Variants in NR6A1 observed in about 807,000 individuals in gnomAD.
The protein encoded by NR6A1 is nuclear receptor subfamily 6 group A member 1, also known as retinoic acid receptor-related testis-associated receptor.
A neutral mutation model predicts 59.1 loss-of-function variants in NR6A1; 7 were observed. The ratio of observed to expected loss-of-function variants is 0.12; its 90% CI spans 0.07 to 0.22. The LOEUF (loss-of-function observed/expected upper bound fraction) is 0.22, where lower values mean the gene tolerates loss of function less well. NR6A1 is among the 10% of genes least tolerant of loss of function. The pLI is 1.00. For synonymous variants in NR6A1, 243 were observed against 236.1 expected (o/e 1.03, Z -0.27); for missense variants, 468 against 611.6 (o/e 0.77, Z 2.48).
intron 2 of NR6A1, among the ~76,000 whole-genome samples, chr9:124,568,067 T>C (rs1267979794): frequency 2.1e-5 from 3 of 141,624 alleles, no homozygotes. Context: ...CCAGCTACTC[T>C]GGAGGCTGAG....
At chr9:124,627,979 T>C (rs1490833690) in intron 2 of NR6A1, among the ~76,000 whole-genome samples, 2 of 144,266 alleles carry the variant, frequency 1.4e-5, no homozygotes, top group African/African-American at 5.1e-5. Flanking sequence ...AAATACGGTG[T>C]GTGTAGAGAG....
At chr9:124,684,960 A>G (rs1838283819) in intron 2 of NR6A1, among the ~76,000 whole-genome samples, 1 of 152,156 alleles carries the variant, frequency 6.6e-6, no homozygotes, top group African/African-American at 2.4e-5. Flanking sequence ...TATATCATCT[A>G]TCTTGCAGAT....
At chr9:124,625,052 G>A (rs1162352649) in intron 2 of NR6A1, among the ~76,000 whole-genome samples, 1 of 151,608 alleles carries the variant, frequency 6.6e-6, no homozygotes, top group Non-Finnish European at 1.5e-5. Context: ...GTAGTTATAA[G>A]AAAAGCCACA....
chr9:124,566,547 T>G (rs1317023290), intron 2 of NR6A1, among the ~76,000 whole-genome samples: 1 of 152,060 alleles, frequency 6.6e-6, no homozygotes, highest in Non-Finnish European at 1.5e-5. Flanking sequence ...GGAGGAATGG[T>G]GGGAGATACA....
At chr9:124,549,683 A>G (rs1042628774) in intron 3 of NR6A1, among the ~76,000 whole-genome samples, 1 of 152,200 alleles carries the variant, frequency 6.6e-6, no homozygotes, top group African/African-American at 2.4e-5. Flanking sequence ...CATTTTTTTA[A>G]TAGTTAATTT....
intron 2 of NR6A1, among the ~76,000 whole-genome samples, chr9:124,710,546 C>A (rs1041502265): frequency 6.6e-6 from 1 of 152,214 alleles, no homozygotes; most frequent in East Asian, 1.9e-4. Flanking sequence ...TCCTTCCCAA[C>A]CTCTTAGCCC....
At chr9:124,553,945 A>G (rs1051991169) in intron 3 of NR6A1, among the ~76,000 whole-genome samples, 5 of 152,144 alleles carry the variant, frequency 3.3e-5, no homozygotes, top group African/African-American at 9.7e-5. Context: ...GCCTCTGAGT[A>G]CACCGTGGTT....
intron 2 of NR6A1, among the ~76,000 whole-genome samples, chr9:124,703,868 C>T (rs186834227): frequency 5.9e-5 from 9 of 151,748 alleles, no homozygotes; most frequent in Non-Finnish European, 1.0e-4. Context: ...CTATGTTGCT[C>T]AGGCTAGCCT....
intron 2 of NR6A1, among the ~76,000 whole-genome samples, chr9:124,694,893 A>G (rs914726645): frequency 3.3e-5 from 5 of 152,228 alleles, no homozygotes; most frequent in Admixed American, 2.6e-4. Flanking sequence ...AAATCTAAAG[A>G]AAACTATGAG....
intron 2 of NR6A1, among the ~76,000 whole-genome samples, chr9:124,622,935 T>C (rs114744007): frequency 4.8e-4 from 73 of 151,988 alleles, no homozygotes; most frequent in African/African-American, 1.7e-3. Context: ...AAACCAATGG[T>C]TGTTGGGGTC....
intron 2 of NR6A1, among the ~76,000 whole-genome samples, chr9:124,596,207 T>C (rs1347260240): frequency 6.6e-6 from 1 of 152,142 alleles, no homozygotes; most frequent in Non-Finnish European, 1.5e-5. Flanking sequence ...TATTCTATGC[T>C]ATAGTCTTCC....
chr9:124,611,708 C>T (rs1449744452), intron 2 of NR6A1, among the ~76,000 whole-genome samples: 3 of 147,248 alleles, frequency 2.0e-5, no homozygotes, highest in Non-Finnish European at 3.0e-5. Flanking sequence ...GTGATTACAC[C>T]ACTGTGCTCC....
intron 2 of NR6A1, among the ~76,000 whole-genome samples, chr9:124,649,017 C>T (rs1474573456): frequency 6.6e-6 from 1 of 151,900 alleles, no homozygotes; most frequent in East Asian, 1.9e-4. Context: ...AAAATATCCA[C>T]ACTATCCAAA....
intron 7 of NR6A1, among the ~76,000 whole-genome samples, chr9:124,534,439 G>A (rs1462697600): frequency 6.6e-6 from 1 of 152,228 alleles, no homozygotes; most frequent in East Asian, 1.9e-4. Flanking sequence ...TTGATTTTAG[G>A]GGTCAGAAAA....
intron 2 of NR6A1, among the ~76,000 whole-genome samples, chr9:124,674,644 C>T (rs889693158): frequency 4.6e-5 from 7 of 152,034 alleles, no homozygotes; most frequent in Non-Finnish European, 1.0e-4. Flanking sequence ...GAGGCTGCTG[C>T]ACATCAAAGA....
At chr9:124,535,349 G>A (rs1029548656) in intron 7 of NR6A1, among the ~76,000 whole-genome samples, 2 of 152,092 alleles carry the variant, frequency 1.3e-5, no homozygotes, top group African/African-American at 4.8e-5. Flanking sequence ...AGGCTGAGAC[G>A]GGTAGATCAC....
At chr9:124,748,598 A>G (rs978256463) in intron 1 of NR6A1, among the ~76,000 whole-genome samples, 1 of 152,006 alleles carries the variant, frequency 6.6e-6, no homozygotes, top group South Asian at 2.1e-4. Flanking sequence ...CAGTGGCTCA[A>G]GCCTGTAATC....
rs1269803046 is a variant in NR6A1 at position 124,628,955 on chromosome 9, CGGCCCT to C, written c.143-74391_143-74386del. 3.3e-5 allele frequency among the ~76,000 whole-genome samples: 5 copies of C among 152,232 alleles called. No individual in the cohort carries two copies. The East Asian group carries it at 9.6e-4, about 29-fold the overall frequency. ...GATTACAGGCGCGAGCCACCGCCCC[CGGCCCT>C]GGCCTTTGCTTTTAATGTCAACACA... On this transcript the variant is annotated intron_variant, in intron 2 of 9. Coordinates refer to ENST00000487099, the MANE Select transcript of NR6A1 (RefSeq NM_033334.4).
Position 124,579,732 on chromosome 9 carries a change from CG to C in NR6A1, c.143-25163del, listed in dbSNP as rs200282551. Among the ~76,000 whole-genome samples, 31 of 152,200 alleles carry C rather than the reference CG, an allele frequency of 2.0e-4. No individual in the cohort carries two copies. The East Asian group carries it at 5.0e-3, about 25-fold the overall frequency. ...AGGTTCTTATAAAATTAAACATAGCCGGGCACGGTAGCTCATACCTGTAATC... is the reference window on the plus strand; with the variant it reads ...AGGTTCTTATAAAATTAAACATAGCCGGCACGGTAGCTCATACCTGTAATC... On this transcript the variant is annotated intron_variant, in intron 2 of 9. Coordinates refer to ENST00000487099, the MANE Select transcript of NR6A1 (RefSeq NM_033334.4).
Sources: gnomAD v4.1 joint callset for allele counts (sites outside exome capture counted in the v4.1 genomes callset) on GRCh38, gnomAD v4.1.1 for gene constraint, MANE v1.5 for transcripts, NCBI Gene and HGNC (gene_info 2026-07-23, HGNC 2026-07-21) for gene names.